The following SIPA1L1 variants were observed in gnomAD, a reference collection of about 807,000 sequenced individuals.
SIPA1L1 encodes signal-induced proliferation-associated 1-like protein 1.
A neutral mutation model predicts 162.7 loss-of-function variants in SIPA1L1; 26 were observed. That is an observed-to-expected ratio of 0.16 (90% CI 0.12 to 0.22). SIPA1L1 has a LOEUF of 0.22. Ranked by LOEUF, SIPA1L1 falls within the 10% of genes least tolerant of loss-of-function variation. The probability of loss-of-function intolerance (pLI) is 1.00; values close to 1 mark genes in which losing one functional copy is unlikely to be tolerated. For synonymous variants in SIPA1L1, 829 were observed against 837.4 expected (o/e 0.99, Z 0.17); for missense variants, 1,874 against 2,241.0 (o/e 0.84, Z 3.31).
chr14:71,656,581 G>C (rs1053862597), intron 8 of SIPA1L1, among the ~76,000 whole-genome samples: 5 of 152,142 alleles, frequency 3.3e-5, no homozygotes, highest in African/African-American at 1.2e-4. Context: ...TTAATACTTA[G>C]AAGATATTTT....
chr14:71,549,145 G>A (rs538777096), intron 4 of SIPA1L1, among the ~76,000 whole-genome samples: 53 of 152,268 alleles, frequency 3.5e-4, no homozygotes, highest in African/African-American at 1.2e-3. Context: ...TTTGGAATGC[G>A]TTTTTCAAGG....
At chr14:71,514,406 ACTCTGCCATTTTGCCTCTTAATGCACATG>A (rs1413691207) in intron 3 of SIPA1L1, among the ~76,000 whole-genome samples, 6 of 152,008 alleles carry the variant, frequency 3.9e-5, no homozygotes, top group African/African-American at 1.4e-4. Context: ...AGAAGGTCAT[ACTCTGCCATTTTGCCTCTTAATGCACATG>A]CTTGAGGTTA....
Position 71,387,248 on chromosome 14 carries a change from CAAAAAAAAAAAA to C in SIPA1L1, c.-465+66084_-465+66095del, listed in dbSNP as rs398025583. Among the ~76,000 whole-genome samples the C allele has an allele frequency of 1.1e-3, 57 of 53,886 alleles. 1 individual carries two copies. Among genetic ancestry groups the C allele is most frequent in the African/African-American group, 5.0e-3 (55 of 10,962 alleles). 35.4% of individuals were successfully genotyped at this position (53,886 alleles called of 152,430 possible). A position where few individuals can be genotyped will look rare whatever the true frequency, so the allele number is the denominator to read the frequency against. The stretch of plus-strand genomic sequence containing the variant: ...GGGCAACAAGAGCGAAACTCTGTCT[CAAAAAAAAAAAA>C]AAAAAAAAAAAAAAAAGAAAGACTG... On this transcript the variant is annotated intron_variant, in intron 2 of 23. Coordinates refer to ENST00000381232, the MANE Select transcript of SIPA1L1 (RefSeq NM_001386936.1).
chr14:71,361,946 C>T (rs1395998154), intron 2 of SIPA1L1, among the ~76,000 whole-genome samples: 1 of 152,202 alleles, frequency 6.6e-6, no homozygotes, highest in Non-Finnish European at 1.5e-5. Context: ...CAGTTAAATG[C>T]GTCACACTAG....
chr14:71,724,171 G>A lies in SIPA1L1; in HGVS notation c.4448+285G>A, dbSNP rs116109705. 2.2e-3 allele frequency among the ~76,000 whole-genome samples: 328 copies of A among 152,266 alleles called. 1 individual carries two copies. The highest frequency in any genetic ancestry group is 7.7e-3 in the African/African-American group (320 of 41,554). On this transcript the variant is annotated intron_variant, in intron 18 of 23. Transcript: ENST00000381232. ...ACTTCAGAATAATTGCCCCTCTGGT[G>A]CTAAGACCATACTAGTCCCTTTGAT...
rs538232566 is a variant in SIPA1L1, at chr14:71,650,397, G to A, written c.1881G>A (p.Glu627=). Residue 627 remains glutamate, a synonymous_variant, in exon 8 of 24, where the codon GAG becomes GAA. Coordinates refer to ENST00000381232, the MANE Select transcript of SIPA1L1 (RefSeq NM_001386936.1). ...AAGCTGGACAGAGCACTGAAGAAGA[G>A]ATGTACAACAATGAGTCAGCTGGCC... The part of the protein sequence containing the change: ...YCKAGQSTEE[E]MYNNESAGPA... The A allele has an allele frequency of 4.6e-5, 74 of 1,614,094 alleles. 1 individual carries two copies. The highest frequency in any genetic ancestry group is 1.1e-4 in the East Asian group (5 of 44,900).
At chr14:71,660,490 C>T (rs1177248700) in intron 9 of SIPA1L1, among the ~76,000 whole-genome samples, 1 of 151,724 alleles carries the variant, frequency 6.6e-6, no homozygotes, top group Non-Finnish European at 1.5e-5. Context: ...GCCTTAATGT[C>T]ACCAGAGAAT....
intron 2 of SIPA1L1, among the ~76,000 whole-genome samples, chr14:71,397,430 T>C (rs1383318337): frequency 1.3e-5 from 2 of 151,982 alleles, no homozygotes; most frequent in African/African-American, 2.4e-5. Context: ...TAGTATCTTA[T>C]TACTAGTATT....
At chr14:71,347,968 A>G (rs560257046) in intron 2 of SIPA1L1, among the ~76,000 whole-genome samples, 5 of 152,234 alleles carry the variant, frequency 3.3e-5, no homozygotes, top group Non-Finnish European at 7.3e-5. Flanking sequence ...TAAGTGGAAT[A>G]CAAAAGAGAA....
At chr14:71,720,134 G>T (rs1433026171) in intron 17 of SIPA1L1, among the ~76,000 whole-genome samples, 2 of 152,108 alleles carry the variant, frequency 1.3e-5, no homozygotes, top group Admixed American at 1.3e-4. Context: ...TCTTATTTGG[G>T]TGGGATCTTT....
intron 2 of SIPA1L1, among the ~76,000 whole-genome samples, chr14:71,404,006 A>G (rs1472404968): frequency 3.5e-5 from 1 of 28,950 alleles, no homozygotes; most frequent in Admixed American, 5.4e-4. Context: ...CACCCACATC[A>G]CAGTGAAGAG....
At chr14:71,562,539 T>C (rs1022394978) in intron 4 of SIPA1L1, among the ~76,000 whole-genome samples, 2 of 152,214 alleles carry the variant, frequency 1.3e-5, no homozygotes, top group Non-Finnish European at 2.9e-5. Context: ...CAGCACATAA[T>C]AAATGCTCAA....
intron 4 of SIPA1L1, among the ~76,000 whole-genome samples, chr14:71,533,493 G>T (rs919752055): frequency 3.3e-5 from 5 of 152,256 alleles, no homozygotes; most frequent in Middle Eastern, 6.8e-3. Context: ...TTTTTAATAT[G>T]TGAATAAACC....
intron 2 of SIPA1L1, among the ~76,000 whole-genome samples, chr14:71,491,835 T>C (rs1323627462): frequency 8.6e-5 from 7 of 81,108 alleles, no homozygotes; most frequent in Non-Finnish European, 1.3e-4. Context: ...CCCCCCCACA[T>C]GAAGAGTTGG....
At chr14:71,610,534 G>T (rs2038085771) in intron 5 of SIPA1L1, among the ~76,000 whole-genome samples, 1 of 152,076 alleles carries the variant, frequency 6.6e-6, no homozygotes. Flanking sequence ...TTGATCACTA[G>T]TGAGTTTCAG....
chr14:71,396,639 T>C (rs2041227059), intron 2 of SIPA1L1, among the ~76,000 whole-genome samples: 1 of 152,226 alleles, frequency 6.6e-6, no homozygotes, highest in African/African-American at 2.4e-5. Context: ...TGATACAATT[T>C]TTTGGTAAAA....
At chr14:71,321,669 C>G (rs937920814) in intron 2 of SIPA1L1, 1 of 152,308 alleles carries the variant, frequency 6.6e-6, no homozygotes, top group African/African-American at 2.4e-5. Context: ...TTGGGATGCT[C>G]TAACCTGCTT....
At chr14:71,634,907 G>T (rs1306758045) in intron 7 of SIPA1L1, among the ~76,000 whole-genome samples, 1 of 151,782 alleles carries the variant, frequency 6.6e-6, no homozygotes, top group South Asian at 2.1e-4. Flanking sequence ...CTGCACTCCA[G>T]CCTGGGCAAC....
intron 5 of SIPA1L1, among the ~76,000 whole-genome samples, chr14:71,601,233 T>C (rs2036711797): frequency 6.6e-6 from 1 of 152,168 alleles, no homozygotes; most frequent in African/African-American, 2.4e-5. Context: ...TGTGGGTTGG[T>C]CATATATGCC....
Sources: allele counts gnomAD v4.1 joint callset (sites outside exome capture counted in the v4.1 genomes callset), GRCh38; gene constraint gnomAD v4.1.1; transcripts MANE v1.5; gene names NCBI Gene and HGNC (gene_info 2026-07-23, HGNC 2026-07-21).